JPH2: variants seen among roughly 807,000 people sequenced by gnomAD.
JPH2 encodes the protein junctophilin 2, also known as junctophilin-2.
A neutral mutation model predicts 55.9 loss-of-function variants in JPH2; 38 were observed. That is an observed-to-expected ratio of 0.68 (90% CI 0.52 to 0.89). JPH2 has a LOEUF of 0.89. Among genes scored for constraint, JPH2 ranks in the 40% least tolerant of loss-of-function variants. The probability of loss-of-function intolerance (pLI) is 0.00; values close to 1 mark genes in which losing one functional copy is unlikely to be tolerated. For synonymous variants in JPH2, 480 were observed against 472.4 expected, an observed-to-expected ratio of 1.02 and a Z score of -0.21; for missense variants, 964 against 1,037.6, an observed-to-expected ratio of 0.93 and a Z score of 0.97.
intron 2 of JPH2, among the ~76,000 whole-genome samples, chr20:44,155,901 T>G (rs1005679034): frequency 3.9e-5 from 6 of 152,034 alleles, no homozygotes; most frequent in Non-Finnish European, 8.8e-5. Context: ...CCAGGTGTGG[T>G]GGCGCACACC....
At chr20:44,164,337 G>T (rs1185784589) in intron 1 of JPH2, among the ~76,000 whole-genome samples, 2 of 152,220 alleles carry the variant, frequency 1.3e-5, no homozygotes, top group African/African-American at 4.8e-5. Context: ...TATCATCTAA[G>T]CTGGGGAACC....
chr20:44,163,561 T>C (rs2072631257), intron 1 of JPH2, among the ~76,000 whole-genome samples: 2 of 152,280 alleles, frequency 1.3e-5, no homozygotes, highest in South Asian at 4.1e-4. Context: ...TGCCAGGGGC[T>C]CACTAAACCT....
intron 2 of JPH2, among the ~76,000 whole-genome samples, chr20:44,141,107 T>C (rs1197384054): frequency 6.6e-6 from 1 of 152,166 alleles, no homozygotes; most frequent in African/African-American, 2.4e-5. Context: ...GTCACAGTCT[T>C]CAAACCTCTG....
chr20:44,132,243 AACAG>A (rs747122631), intron 2 of JPH2, among the ~76,000 whole-genome samples: 1 of 152,052 alleles, frequency 6.6e-6, no homozygotes, highest in Non-Finnish European at 1.5e-5. Context: ...CATTTGTGTA[AACAG>A]ACAACCTGTT....
chr20:44,115,684 G>C lies in JPH2; in HGVS notation c.1991C>G (p.Ala664Gly). ...ARKEAALAAEAEVEVEEVPNT... is the reference protein window; with the variant it reads ...ARKEAALAAEGEVEVEEVPNT... ...CCTCACCTCTTCCACCTCCACCTCC[G>C]CCTCTGCCGCCAGTGCGGCCTCCTT... is the stretch of plus-strand genomic sequence containing the variant. The change falls in exon 4 of 6, where the codon GCG becomes GGG. Residue 664 changes from alanine (A) to glycine (G), a missense_variant. Physicochemically the swap from Ala to Gly is moderately conservative, Grantham distance 60 (BLOSUM62 0). Coordinates refer to ENST00000372980, the MANE Select transcript of JPH2 (RefSeq NM_020433.5). 3.1e-6 allele frequency: 5 copies of C among 1,612,760 alleles called. No individual in the cohort carries two copies. The highest frequency in any genetic ancestry group is 3.4e-6 in the Non-Finnish European group (4 of 1,179,976).
intron 2 of JPH2, among the ~76,000 whole-genome samples, chr20:44,143,328 C>A (rs1476120858): frequency 6.6e-6 from 1 of 152,106 alleles, no homozygotes; most frequent in Non-Finnish European, 1.5e-5. Context: ...CCCCTAGTTT[C>A]CCCCGTAGCT....
At chr20:44,151,273 G>C (rs553472899) in intron 2 of JPH2, among the ~76,000 whole-genome samples, 2 of 152,100 alleles carry the variant, frequency 1.3e-5, no homozygotes, top group Non-Finnish European at 2.9e-5. Flanking sequence ...TCCCAGCACT[G>C]TGGGAGGTTG....
chr20:44,148,530 G>C (rs577028243), intron 2 of JPH2, among the ~76,000 whole-genome samples: 1 of 152,304 alleles, frequency 6.6e-6, no homozygotes, highest in Admixed American at 6.5e-5. Flanking sequence ...AGGGTTCTTC[G>C]TTTCTTTCCC....
At chr20:44,151,387 C>T (rs544947584) in intron 2 of JPH2, among the ~76,000 whole-genome samples, 6 of 152,202 alleles carry the variant, frequency 3.9e-5, no homozygotes, top group Admixed American at 2.6e-4. Flanking sequence ...CGTGGTGGCA[C>T]ATGCCTGTAA....
At chr20:44,177,847 T>C (rs2072747442) in intron 1 of JPH2, 1 of 1,605,030 alleles carries the variant, frequency 6.2e-7, no homozygotes, top group Non-Finnish European at 8.5e-7. Flanking sequence ...AATTCACCCT[T>C]TGGAATGTGA....
At chr20:44,144,431 G>A (rs2072479534) in intron 2 of JPH2, among the ~76,000 whole-genome samples, 1 of 152,116 alleles carries the variant, frequency 6.6e-6, no homozygotes, top group South Asian at 2.1e-4. Context: ...CATAACCTTG[G>A]GGGGACAGGG....
intron 2 of JPH2, among the ~76,000 whole-genome samples, chr20:44,122,745 G>A (rs568313165): frequency 3.2e-4 from 49 of 152,292 alleles, no homozygotes; most frequent in South Asian, 2.7e-3. Context: ...TGTTGGTGGC[G>A]GTGGTGAAAG....
intron 2 of JPH2, among the ~76,000 whole-genome samples, chr20:44,138,565 T>A (rs2072433910): frequency 6.6e-6 from 1 of 151,978 alleles, no homozygotes; most frequent in South Asian, 2.1e-4. Context: ...TATTTTTTTG[T>A]AGAGATGGGT....
chr20:44,139,534 C>A (rs776031653), intron 2 of JPH2, among the ~76,000 whole-genome samples: 1 of 152,062 alleles, frequency 6.6e-6, no homozygotes, highest in Non-Finnish European at 1.5e-5. Context: ...ATGAATAGAT[C>A]TCCAATATAT....
rs1569180573 is a variant in JPH2 at position 44,115,715 on chromosome 20, C to A, written c.1960G>T (p.Ala654Ser). Residue 654 changes from alanine (A) to serine (S), a missense_variant, in exon 4 of 6, where the codon GCG becomes TCG. By Grantham distance (99) the Ala-to-Ser change is moderately conservative (BLOSUM62 1). Transcript: ENST00000372980. Reference protein sequence around the residue: ...GLTKAGAKKKARKEAALAAEA... With the variant: ...GLTKAGAKKKSRKEAALAAEA... ...GCCGCCAGTGCGGCCTCCTTCCGCG[C>A]CTTCTTCTTGGCCCCCGCCTTGGTC... 6.2e-7 allele frequency: 1 copy of A among 1,613,596 alleles called. No homozygotes were observed. The highest frequency in any genetic ancestry group is 8.5e-7 in the Non-Finnish European group (1 of 1,180,002).
rs74651752 is a variant in JPH2 at position 44,182,706 on chromosome 20, C to T, written c.379+3621G>A. Among the ~76,000 whole-genome samples, 15 of 152,248 alleles carry T rather than the reference C, an allele frequency of 9.9e-5. No homozygotes were observed. In the East Asian group the frequency reaches 1.7e-3, roughly 18 times the overall value. On this transcript the variant is annotated intron_variant, in intron 1 of 5. Transcript: ENST00000372980. The stretch of plus-strand genomic sequence containing the variant: ...TCCATCTAAGAACACCTTCCTCTTC[C>T]GCCTCTGTTAGTTTTTTCCATAACA...
intron 1 of JPH2, among the ~76,000 whole-genome samples, chr20:44,165,885 A>G (rs755636331): frequency 6.6e-6 from 1 of 151,636 alleles, no homozygotes; most frequent in Non-Finnish European, 1.5e-5. Flanking sequence ...TTACGATTCA[A>G]CCCGTGCCCA....
chr20:44,151,581 G>A (rs908352383), intron 2 of JPH2, among the ~76,000 whole-genome samples: 7 of 152,150 alleles, frequency 4.6e-5, no homozygotes, highest in Non-Finnish European at 7.4e-5. Context: ...CTCTGGGGCA[G>A]CCATTAGCTA....
chr20:44,141,845 C>G (rs1158155757), intron 2 of JPH2, among the ~76,000 whole-genome samples: 5 of 152,182 alleles, frequency 3.3e-5, no homozygotes, highest in Admixed American at 6.5e-5. Context: ...GAGCACAGTT[C>G]TAACTACACA....
Sources: allele counts gnomAD v4.1 joint callset (sites outside exome capture counted in the v4.1 genomes callset), GRCh38; gene constraint gnomAD v4.1.1; transcripts MANE v1.5; gene names NCBI Gene and HGNC (gene_info 2026-07-23, HGNC 2026-07-21).